Variants in NMT1 observed in about 807,000 individuals in gnomAD.
NMT1 encodes N-myristoyltransferase 1, also known as glycylpeptide N-tetradecanoyltransferase 1.
Under a neutral mutation model 63.4 loss-of-function variants are expected in NMT1, and 12 were observed. That is an observed-to-expected ratio of 0.19 (90% CI 0.12 to 0.31). The LOEUF is 0.31. Among genes scored for constraint, NMT1 ranks in the 10% least tolerant of loss-of-function variants. NMT1 has a pLI of 1.00. For missense variants in NMT1, 432 were observed against 634.6 expected, an observed-to-expected ratio of 0.68 and a Z score of 3.43; for synonymous variants, 228 against 234.3, an observed-to-expected ratio of 0.97 and a Z score of 0.25.
chr17:45,071,367 C>G (rs184776070), intron 1 of NMT1: 2 of 152,142 alleles, frequency 1.3e-5, no homozygotes, highest in Non-Finnish European at 2.9e-5. Context: ...TGTGTAGAGA[C>G]AAGATCTCAC....
intron 5 of NMT1, among the ~76,000 whole-genome samples, 180 bp downstream of exon 5, chr17:45,096,465 T>G (rs1279539795): frequency 6.6e-6 from 1 of 152,240 alleles, no homozygotes; most frequent in Non-Finnish European, 1.5e-5. Context: ...ATTGCAGCCT[T>G]GTTTAAGACA....
intron 3 of NMT1, among the ~76,000 whole-genome samples, chr17:45,090,944 G>A (rs528966671): frequency 6.6e-6 from 1 of 151,978 alleles, no homozygotes; most frequent in Non-Finnish European, 1.5e-5. Flanking sequence ...CACAGAGCAG[G>A]ACAAGCAGAG....
chr17:45,083,504 C>G (rs2054030542), intron 2 of NMT1, among the ~76,000 whole-genome samples: 1 of 152,058 alleles, frequency 6.6e-6, no homozygotes, highest in African/African-American at 2.4e-5. Flanking sequence ...TTTACTATTT[C>G]CAATATAAAA....
In NMT1 at chr17:45,103,979, C is replaced by CT. The variant is rs766483610; in HGVS notation, c.1332+104dup. Reference sequence around the variant, plus strand: ...CGCAGCCTCCCATGGGCTGGAGGCTCTGAGCCCTCCTCATCTGTTCTGCTT... The same window carrying CT: ...CGCAGCCTCCCATGGGCTGGAGGCTCTTGAGCCCTCCTCATCTGTTCTGCTT... On this transcript the variant is annotated intron_variant, in intron 10 of 11. Coordinates refer to ENST00000258960, the MANE Select transcript of NMT1 (RefSeq NM_021079.5). The surrounding 1 kb of genome is among the most constrained non-coding windows in gnomAD (Gnocchi z 4.8). The CT allele has an allele frequency of 6.3e-7, 1 of 1,599,568 alleles. No individual in the cohort carries two copies. Among genetic ancestry groups the CT allele is most frequent in the Non-Finnish European group, 8.5e-7 (1 of 1,179,500 alleles).
chr17:45,104,497 T>C lies in NMT1; in HGVS notation c.1333-362T>C. ...GTAAGGAAGCAACACAAACCCCATG[T>C]AGCTGACCAGAGCCAGCTTCTCAGA... On this transcript the variant is annotated intron_variant, in intron 10 of 11. Transcript: ENST00000258960. The surrounding 1 kb of genome is among the most constrained non-coding windows in gnomAD (Gnocchi z 4.2). 9.0e-7 allele frequency: 1 copy of C among 1,112,172 alleles called. No homozygotes were observed. Among genetic ancestry groups the C allele is most frequent in the Non-Finnish European group, 1.1e-6 (1 of 906,836 alleles). 68.9% of individuals were successfully genotyped at this position (1,112,172 alleles called of 1,614,324 possible).
rs2054197353 is a variant in NMT1, at chr17:45,105,559, G to A, written c.1471-60G>A. The A allele has an allele frequency of 2.5e-6, 4 of 1,597,392 alleles. No homozygotes were observed. The highest frequency in any genetic ancestry group is 3.4e-6 in the Non-Finnish European group (4 of 1,166,244). ...ACTCGGAACTTCAGGGATAGGGGGTGTGGGAGAGTCTTTGGGCCACTGTCA... is the reference window on the plus strand; with the variant it reads ...ACTCGGAACTTCAGGGATAGGGGGTATGGGAGAGTCTTTGGGCCACTGTCA... On this transcript the variant is annotated intron_variant, in intron 11 of 11. Transcript: ENST00000258960. The surrounding 1 kb of genome is among the most constrained non-coding windows in gnomAD (Gnocchi z 4.2).
intron 1 of NMT1, among the ~76,000 whole-genome samples, chr17:45,068,074 C>T (rs1182532589): frequency 6.6e-6 from 1 of 152,188 alleles, no homozygotes; most frequent in Non-Finnish European, 1.5e-5. Flanking sequence ...AATCTCTACC[C>T]TTCAGGCCTC....
chr17:45,067,414 C>A (rs1386500905), intron 1 of NMT1, among the ~76,000 whole-genome samples: 1 of 152,208 alleles, frequency 6.6e-6, no homozygotes, highest in African/African-American at 2.4e-5. Context: ...CATCTCCATC[C>A]TGCTCTCTTA....
chr17:45,100,236 G>A lies in NMT1; in HGVS notation c.993+723G>A, dbSNP rs145029779. Among the ~76,000 whole-genome samples, 903 of 152,160 alleles carry A rather than the reference G, an allele frequency of 5.9e-3. 4 individuals are homozygous for A. Among genetic ancestry groups the A allele is most frequent in the Non-Finnish European group, 0.01 (686 of 67,990 alleles). On this transcript the variant is annotated intron_variant, in intron 8 of 11. Transcript: ENST00000258960. ...CCCAAGTAGCTGGGACTACAGGCGT[G>A]TGCCGCCATGCCCGGCCAATTTTTG... is the stretch of plus-strand genomic sequence containing the variant.
Position 45,105,537 on chromosome 17 carries a change from C to T in NMT1, c.1471-82C>T, listed in dbSNP as rs988913418. The T allele has an allele frequency of 1.0e-5, 16 of 1,529,218 alleles. No individual in the cohort carries two copies. Among genetic ancestry groups the T allele is most frequent in the African/African-American group, 8.2e-5 (6 of 73,006 alleles). 94.7% of individuals were successfully genotyped at this position (1,529,218 alleles called of 1,614,324 possible). On this transcript the variant is annotated intron_variant, in intron 11 of 11. Transcript: ENST00000258960. The surrounding 1 kb of genome is among the most constrained non-coding windows in gnomAD (Gnocchi z 4.2). ...GGCGGTGGACCCGGGCCCAGCCACT[C>T]GGAACTTCAGGGATAGGGGGTGTGG... is the stretch of plus-strand genomic sequence containing the variant.
chr17:45,067,091 G>A lies in NMT1; in HGVS notation c.131+5631G>A, dbSNP rs558680935. 4.6e-5 allele frequency among the ~76,000 whole-genome samples: 7 copies of A among 151,826 alleles called. No individual in the cohort carries two copies. The South Asian group carries it at 1.5e-3, about 32-fold the overall frequency. On this transcript the variant is annotated intron_variant, in intron 1 of 11. Transcript: ENST00000258960. Reference sequence around the variant, plus strand: ...CCTAGCGTAATTATCCTGAACAATTGAGAGGAGAGTCAGATAAGATAACCT... The same window carrying A: ...CCTAGCGTAATTATCCTGAACAATTAAGAGGAGAGTCAGATAAGATAACCT...
chr17:45,061,469 A>G lies in NMT1; in HGVS notation c.131+9A>G, dbSNP rs2053856502. 1 of 1,610,796 alleles carries G rather than the reference A, an allele frequency of 6.2e-7. No homozygotes were observed. The highest frequency in any genetic ancestry group is 8.5e-7 in the Non-Finnish European group (1 of 1,178,574). On this transcript the variant is annotated intron_variant, in intron 1 of 11. Transcript: ENST00000258960. ...AACAGCTACAACCGGGGGTAACGAA[A>G]TCCTCGGAGTCCAATTCCCGTCCAG...
At chr17:45,098,351 AC>A in intron 6 of NMT1, 30 bp from the exon 7 acceptor site, 2 of 1,604,712 alleles carry the variant, frequency 1.2e-6, no homozygotes, top group Non-Finnish European at 1.7e-6. Flanking sequence ...CCTGTTAAAA[AC>A]CTTGTCACCT....
chr17:45,104,195 G>A lies in NMT1; in HGVS notation c.1332+319G>A, dbSNP rs779473609. The A allele has an allele frequency of 1.0e-4, 131 of 1,259,008 alleles. No homozygotes were observed. The highest frequency in any genetic ancestry group is 1.2e-4 in the Non-Finnish European group (119 of 987,638). 78.0% of individuals were successfully genotyped at this position (1,259,008 alleles called of 1,614,324 possible). ...GGCTTCTCCTCACAGCTTTCCCAGC[G>A]TGGGAAAGGGGTGATTGCTGTCTGT... On this transcript the variant is annotated intron_variant, in intron 10 of 11. Transcript: ENST00000258960. The surrounding 1 kb of genome is among the most constrained non-coding windows in gnomAD (Gnocchi z 4.2).
intron 1 of NMT1, among the ~76,000 whole-genome samples, chr17:45,074,734 A>G (rs1232975895): frequency 6.6e-6 from 1 of 152,064 alleles, no homozygotes; most frequent in Non-Finnish European, 1.5e-5. Context: ...TCTACTCTTT[A>G]TTTTGGAACC....
rs765115917 is a variant in NMT1, at chr17:45,105,625, C to G, written c.1477C>G (p.Leu493Val). The change falls in exon 12 of 12, where the codon CTG (leucine) becomes GTG (valine). Residue 493 changes from leucine (L) to valine (V), a missense_variant. By Grantham distance (32) the Leu-to-Val change is conservative. Transcript: ENST00000258960. This position sits in a 1 kb window ranked among gnomAD's most constrained non-coding sequence, Gnocchi z 4.2. ...CPSMGAEKVG[L>V]VLQ Reference sequence around the variant, plus strand: ...TCCCTGTTGGCTTTCCTAGGTTGGACTGGTGCTACAATAACCAGTCACCAG... The same window carrying G: ...TCCCTGTTGGCTTTCCTAGGTTGGAGTGGTGCTACAATAACCAGTCACCAG... 4 of 1,613,522 alleles carry G rather than the reference C, an allele frequency of 2.5e-6. No homozygotes were observed. The highest frequency in any genetic ancestry group is 3.4e-6 in the Non-Finnish European group (4 of 1,179,858).
At position 45,108,380 on chromosome 17, in the gene NMT1, T is replaced by A. The variant is rs778951530; in HGVS notation, c.*2741T>A. The A allele has an allele frequency of 2.0e-5, 3 of 152,316 alleles. No homozygotes were observed. The highest frequency in any genetic ancestry group is 1.3e-4 in the Admixed American group (2 of 15,280). The allele number at this position is 152,316 out of a possible 1,614,324, so 9.4% of individuals were successfully genotyped here. A position where few individuals can be genotyped will look rare whatever the true frequency, so the allele number is the denominator to read the frequency against. ...ATTTCTGAAGAGGCTTCTGTCTTAT[T>A]TGAAGGCCAGCCCACACCCAGCTAC... On this transcript the variant is annotated 3_prime_UTR_variant, in exon 12 of 12. Transcript: ENST00000258960.
rs941890313 is a variant in NMT1, at chr17:45,103,692, T to C, written c.1165-17T>C. 1.2e-5 allele frequency: 19 copies of C among 1,604,244 alleles called. No homozygotes were observed. The African/African-American group carries it at 2.0e-4, about 17-fold the overall frequency. ...CTGTGCATGCTTGACATTGCCTCTT[T>C]ATTGCCTTCCCTTCAGAACGCAAAC... is the stretch of plus-strand genomic sequence containing the variant. On this transcript the variant is annotated splice_polypyrimidine_tract_variant and intron_variant, in intron 9 of 11. Coordinates refer to ENST00000258960, the MANE Select transcript of NMT1 (RefSeq NM_021079.5). The surrounding 1 kb of genome is among the most constrained non-coding windows in gnomAD (Gnocchi z 4.8).
At chr17:45,097,271 C>A in intron 6 of NMT1, 27 bp downstream of exon 6, 3 of 1,490,938 alleles carry the variant, frequency 2.0e-6, no homozygotes, top group Non-Finnish European at 2.8e-6. Flanking sequence ...ACCCCCACCC[C>A]CCACAACACC....
Sources: gnomAD v4.1 joint callset for allele counts (sites outside exome capture counted in the v4.1 genomes callset) on GRCh38, gnomAD v4.1.1 for gene constraint, Gnocchi (gnomAD v3.1) non-coding constraint, MANE v1.5 for transcripts, NCBI Gene and HGNC (gene_info 2026-07-23, HGNC 2026-07-21) for gene names.